Variants in DGKI observed in about 807,000 individuals in gnomAD.
DGKI encodes the protein DAG kinase iota.
A neutral mutation model predicts 147.5 loss-of-function variants in DGKI; 55 were observed. The ratio of observed to expected loss-of-function variants is 0.37; its 90% CI spans 0.30 to 0.47. The LOEUF (loss-of-function observed/expected upper bound fraction) is 0.47. Ranked by LOEUF, DGKI falls within the 20% of genes least tolerant of loss-of-function variation. The pLI is 1.00. For missense variants in DGKI, 1,007 were observed against 1,323.8 expected (o/e 0.76, Z 3.71); for synonymous variants, 469 against 477.1 (o/e 0.98, Z 0.22).
intron 12 of DGKI, among the ~76,000 whole-genome samples, chr7:137,592,912 T>TAAGCAC (rs1819664738): frequency 6.6e-6 from 1 of 152,166 alleles, no homozygotes. Flanking sequence ...ACACTGAAGG[T>TAAGCAC]ACACTGTGTG....
At chr7:137,820,930 C>T (rs1585533012) in intron 1 of DGKI, among the ~76,000 whole-genome samples, 4 of 152,242 alleles carry the variant, frequency 2.6e-5, no homozygotes, top group Middle Eastern at 3.4e-3. Context: ...CTGAAAATGT[C>T]AGAGCAACCC....
chr7:137,844,180 A>G (rs373075743), intron 1 of DGKI, among the ~76,000 whole-genome samples: 60 of 152,336 alleles, frequency 3.9e-4, no homozygotes, highest in Middle Eastern at 3.4e-3. Context: ...CGCCATGACG[A>G]GTGGGCAGGC....
At chr7:137,466,078 C>A in intron 25 of DGKI, 43 bp from the exon 26 acceptor site, 1 of 1,604,074 alleles carries the variant, frequency 6.2e-7, no homozygotes. Context: ...AATAACAAAA[C>A]AAGTATTCTT....
chr7:137,427,956 G>C, intron 28 of DGKI, among the ~76,000 whole-genome samples: 8 of 150,184 alleles, frequency 5.3e-5, no homozygotes, highest in African/African-American at 2.0e-4. Flanking sequence ...ATTCACAGCC[G>C]AATTCTACCA....
At chr7:137,414,379 C>T (rs1362189587) in intron 28 of DGKI, among the ~76,000 whole-genome samples, 1 of 152,178 alleles carries the variant, frequency 6.6e-6, no homozygotes, top group East Asian at 1.9e-4. Flanking sequence ...AAGCTATAAG[C>T]AGCATCCTCT....
chr7:137,750,971 C>T (rs11974293), intron 1 of DGKI, among the ~76,000 whole-genome samples: 2 of 151,794 alleles, frequency 1.3e-5, no homozygotes, highest in Non-Finnish European at 2.9e-5. Flanking sequence ...TCTCGGCCCC[C>T]GTCTTTTCAG....
At chr7:137,651,909 T>C (rs548905238) in intron 5 of DGKI, among the ~76,000 whole-genome samples, 13 of 152,288 alleles carry the variant, frequency 8.5e-5, no homozygotes, top group African/African-American at 3.1e-4. Context: ...CCTAATACAT[T>C]TAGCATATAG....
At chr7:137,785,887 T>C (rs564650201) in intron 1 of DGKI, among the ~76,000 whole-genome samples, 342 of 152,290 alleles carry the variant, frequency 2.2e-3, no homozygotes, top group Non-Finnish European at 4.3e-3. Context: ...ATCATCTCAA[T>C]AGATGCAGAA....
At chr7:137,660,506 G>A (rs1822385693) in intron 3 of DGKI, among the ~76,000 whole-genome samples, 1 of 152,186 alleles carries the variant, frequency 6.6e-6, no homozygotes, top group African/African-American at 2.4e-5. Flanking sequence ...TAGCAGGCAA[G>A]GGAGAAAAAC....
chr7:137,716,713 C>T (rs1344659382), intron 1 of DGKI, among the ~76,000 whole-genome samples: 1 of 152,222 alleles, frequency 6.6e-6, no homozygotes, highest in Non-Finnish European at 1.5e-5. Context: ...CCACTCCCAC[C>T]TTCTGTGCAA....
intron 28 of DGKI, among the ~76,000 whole-genome samples, chr7:137,437,814 C>T (rs542562531): frequency 6.6e-6 from 1 of 152,146 alleles, no homozygotes; most frequent in South Asian, 2.1e-4. Flanking sequence ...CCTAGAGACT[C>T]ACATTTACAG....
At chr7:137,666,272 G>A (rs1822636342) in intron 3 of DGKI, among the ~76,000 whole-genome samples, 1 of 152,152 alleles carries the variant, frequency 6.6e-6, no homozygotes, top group African/African-American at 2.4e-5. Flanking sequence ...GAAATCTACA[G>A]CAAGCCTGTG....
intron 5 of DGKI, among the ~76,000 whole-genome samples, chr7:137,645,865 C>A (rs1341920787): frequency 6.6e-6 from 1 of 152,192 alleles, no homozygotes; most frequent in East Asian, 1.9e-4. Context: ...TAACAATAAA[C>A]ATGAATCTAC....
chr7:137,400,555 C>T (rs1811714721), intron 30 of DGKI, among the ~76,000 whole-genome samples: 1 of 152,116 alleles, frequency 6.6e-6, no homozygotes. Context: ...AGGAAGAAAG[C>T]TGTTCTTCAC....
intron 20 of DGKI, among the ~76,000 whole-genome samples, chr7:137,542,184 G>A (rs551070357): frequency 4.6e-5 from 7 of 152,264 alleles, no homozygotes; most frequent in East Asian, 1.9e-4. Flanking sequence ...AAAATGGTGC[G>A]ACCATTCTGG....
intron 20 of DGKI, among the ~76,000 whole-genome samples, chr7:137,550,892 C>A (rs1008091778): frequency 6.6e-6 from 1 of 152,152 alleles, no homozygotes; most frequent in Non-Finnish European, 1.5e-5. Flanking sequence ...AGATTTCCAG[C>A]AAACCCTTGG....
At chr7:137,562,805 A>G (rs1403431176) in intron 19 of DGKI, among the ~76,000 whole-genome samples, 2 of 152,162 alleles carry the variant, frequency 1.3e-5, no homozygotes, top group African/African-American at 4.8e-5. Flanking sequence ...TCAAAGCCAA[A>G]TAGTATATTA....
At chr7:137,610,589 T>C (rs1820331040) in intron 8 of DGKI, among the ~76,000 whole-genome samples, 1 of 152,230 alleles carries the variant, frequency 6.6e-6, no homozygotes, top group South Asian at 2.1e-4. Flanking sequence ...ATAATAGATG[T>C]TTAACAAAGT....
chr7:137,696,369 C>T (rs1823782096), intron 1 of DGKI, among the ~76,000 whole-genome samples: 1 of 145,920 alleles, frequency 6.9e-6, no homozygotes, highest in African/African-American at 2.6e-5. Context: ...TGCAAATGTG[C>T]AATCCAAATG....
Sources: gnomAD v4.1 joint callset for allele counts (sites outside exome capture counted in the v4.1 genomes callset) on GRCh38, gnomAD v4.1.1 for gene constraint, MANE v1.5 for transcripts, NCBI Gene and HGNC (gene_info 2026-07-23, HGNC 2026-07-21) for gene names.